Variants in MAEA observed in about 807,000 individuals in gnomAD.
MAEA encodes macrophage erythroblast attacher, E3 ubiquitin ligase.
MAEA carries 22 observed loss-of-function variants against 46.2 expected under a neutral mutation model. The observed-to-expected ratio is 0.48, with a 90% CI of 0.34 to 0.68. The LOEUF (loss-of-function observed/expected upper bound fraction) is 0.68. Among genes scored for constraint, MAEA ranks in the 30% least tolerant of loss-of-function variants. MAEA has a pLI of 0.01. For missense variants in MAEA, 393 were observed against 558.1 expected, an observed-to-expected ratio of 0.70 and a Z score of 2.98; for synonymous variants, 246 against 222.6, an observed-to-expected ratio of 1.11 and a Z score of -0.94.
chr4:1,315,318 T>C, intron 2 of MAEA, 79 bp from the exon 3 acceptor site: 1 of 1,350,422 alleles, frequency 7.4e-7, no homozygotes, highest in Non-Finnish European at 1.1e-6. Flanking sequence ...GTGTTGTGGA[T>C]TGGGGCAGCC....
In MAEA at chr4:1,338,236, G is replaced by C. The variant is rs1271620104; in HGVS notation, c.900-186G>C. 3 of 538,098 alleles carry C rather than the reference G, an allele frequency of 5.6e-6. No individual in the cohort carries two copies. The African/African-American group carries it at 5.7e-5, about 10-fold the overall frequency. 33.3% of individuals were successfully genotyped at this position (538,098 alleles called of 1,614,324 possible). A position where few individuals can be genotyped will look rare whatever the true frequency, so the allele number is the denominator to read the frequency against. The stretch of plus-strand genomic sequence containing the variant: ...GCGCAGGCTTCTTGTCTCCACCGAG[G>C]CCTCAGTGGGGCTGTTTAGCTGTCG... On this transcript the variant is annotated intron_variant, in intron 7 of 8. Transcript: ENST00000303400.
chr4:1,310,836 G>A (rs1736407889), intron 1 of MAEA, among the ~76,000 whole-genome samples: 1 of 152,242 alleles, frequency 6.6e-6, no homozygotes, highest in South Asian at 2.1e-4. Flanking sequence ...CGGGGGGAAA[G>A]TGAGTCTAGG....
At chr4:1,326,446 G>A (rs1277513800) in intron 4 of MAEA, among the ~76,000 whole-genome samples, 1 of 152,202 alleles carries the variant, frequency 6.6e-6, no homozygotes, top group Non-Finnish European at 1.5e-5. Context: ...TAGAATCCGC[G>A]TCTCATCTTG....
intron 6 of MAEA, chr4:1,335,263 A>T (rs1434773504): frequency 1.0e-6 from 1 of 985,392 alleles, no homozygotes; most frequent in Admixed American, 6.1e-5. Context: ...TAATGCTCTG[A>T]GGTGCACTCT....
chr4:1,331,111 G>C (rs866560784), intron 5 of MAEA: 1 of 151,746 alleles, frequency 6.6e-6, no homozygotes, highest in Non-Finnish European at 1.5e-5. Context: ...TGTCTCCAGA[G>C]ATGGAATGAG....
chr4:1,293,690 A>G (rs1734339903), intron 1 of MAEA, among the ~76,000 whole-genome samples: 1 of 152,130 alleles, frequency 6.6e-6, no homozygotes, highest in Non-Finnish European at 1.5e-5. Flanking sequence ...CTCACACCCA[A>G]GGTGGTGATG....
chr4:1,316,100 A>G (rs1015924253), intron 3 of MAEA, among the ~76,000 whole-genome samples: 5 of 151,528 alleles, frequency 3.3e-5, no homozygotes, highest in African/African-American at 1.2e-4. Context: ...CGATACCTGT[A>G]CCCCGGGTTT....
chr4:1,325,128 T>C (rs185281496), intron 4 of MAEA, among the ~76,000 whole-genome samples: 23 of 152,000 alleles, frequency 1.5e-4, no homozygotes, highest in Non-Finnish European at 2.9e-4. Context: ...AGGGGGTGTG[T>C]GGGGAGGCAA....
intron 3 of MAEA, among the ~76,000 whole-genome samples, chr4:1,319,522 A>C (rs1183024390): frequency 6.6e-6 from 1 of 152,030 alleles, no homozygotes; most frequent in Non-Finnish European, 1.5e-5. Flanking sequence ...AGTAAGAGAG[A>C]TCCAACTGGG....
At chr4:1,313,446 C>T (rs908482540) in intron 2 of MAEA, among the ~76,000 whole-genome samples, 5 of 152,212 alleles carry the variant, frequency 3.3e-5, no homozygotes, top group Admixed American at 1.3e-4. Context: ...AGAACAGAAG[C>T]AGGCTGGGCG....
chr4:1,312,899 C>T (rs912366496), intron 2 of MAEA, among the ~76,000 whole-genome samples: 1 of 152,124 alleles, frequency 6.6e-6, no homozygotes, highest in Non-Finnish European at 1.5e-5. Context: ...ACCATGAAAC[C>T]GAAAGGAATC....
At chr4:1,295,974 C>CTGTGCCTGTG in intron 1 of MAEA, among the ~76,000 whole-genome samples, 1 of 80,588 alleles carries the variant, frequency 1.2e-5, no homozygotes, top group Non-Finnish European at 2.4e-5. Flanking sequence ...CCCCCCTCAC[C>CTGTGCCTGTG]CACGTCTGCA....
At chr4:1,300,512 C>A (rs1735208397) in intron 1 of MAEA, among the ~76,000 whole-genome samples, 1 of 152,248 alleles carries the variant, frequency 6.6e-6, no homozygotes, top group Non-Finnish European at 1.5e-5. Context: ...CGCTTGCAGT[C>A]TCTGTTGTTT....
At chr4:1,316,113 C>T (rs6815464) in intron 3 of MAEA, among the ~76,000 whole-genome samples, 4 of 151,958 alleles carry the variant, frequency 2.6e-5, no homozygotes, top group Non-Finnish European at 4.4e-5. Flanking sequence ...CCGGGTTTTG[C>T]GCTGACACAT....
At chr4:1,312,336 C>T in intron 2 of MAEA, 175 bp downstream of exon 2, 1 of 672,136 alleles carries the variant, frequency 1.5e-6, no homozygotes, top group Non-Finnish European at 2.5e-6. Context: ...GGCCAGCTTC[C>T]TGTTCCTGTA....
rs751123867 is a variant in MAEA, at chr4:1,315,430, G to A, written c.286G>A (p.Ala96Thr). Reference sequence around the variant, plus strand: ...ATCCATCCAGGCCGAGGACGAGAGCGCCAAGCTGTGCAAGCGCCGGATCGA... The same window carrying A: ...ATCCATCCAGGCCGAGGACGAGAGCACCAAGCTGTGCAAGCGCCGGATCGA... ...VESIQAEDES[A>T]KLCKRRIEHL... Residue 96 changes from alanine (A) to threonine (T), a missense_variant, in exon 3 of 9, where the codon GCC becomes ACC. Ala to Thr is a moderately conservative substitution (Grantham distance 58). Coordinates refer to ENST00000303400, the MANE Select transcript of MAEA (RefSeq NM_001017405.3). 2.5e-6 allele frequency: 4 copies of A among 1,613,874 alleles called. No homozygotes were observed. Among genetic ancestry groups the A allele is most frequent in the South Asian group, 1.1e-5 (1 of 91,070 alleles).
intron 3 of MAEA, among the ~76,000 whole-genome samples, 162 bp from the exon 4 acceptor site, chr4:1,322,219 G>A (rs541982101): frequency 1.5e-4 from 23 of 152,168 alleles, no homozygotes; most frequent in Admixed American, 1.0e-3. Context: ...ATCTCAGAGC[G>A]GCCCTGAGTA....
Position 1,339,767 on chromosome 4 carries a change from G to C in MAEA, c.*598G>C, listed in dbSNP as rs556462078. 6.5e-6 allele frequency: 1 copy of C among 153,556 alleles called. No individual in the cohort carries two copies. The highest frequency in any genetic ancestry group is 1.5e-5 in the Non-Finnish European group (1 of 68,788). The allele number at this position is 153,556 out of a possible 1,614,324, so 9.5% of individuals were successfully genotyped here. On this transcript the variant is annotated 3_prime_UTR_variant, in exon 9 of 9. Transcript: ENST00000303400. ...GGGTCGTGTCCGCGGGACTGTGTTC[G>C]TACGTGCATAGTTTCGATATCACAT...
rs879253575 is a variant in MAEA, at chr4:1,338,441, G to T, written c.919G>T (p.Gly307Cys). The T allele has an allele frequency of 6.2e-7, 1 of 1,612,658 alleles. No homozygotes were observed. The highest frequency in any genetic ancestry group is 2.2e-5 in the East Asian group (1 of 44,874). ...IKTPQCYKED[G>C]SSKSPDCPVC... Reference sequence around the variant, plus strand: ...GCTCAGACAGTGCTACAAGGAGGACGGCAGCTCCAAGAGCCCTGACTGCCC... The same window carrying T: ...GCTCAGACAGTGCTACAAGGAGGACTGCAGCTCCAAGAGCCCTGACTGCCC... Residue 307 changes from glycine to cysteine, a missense_variant, in exon 8 of 9, where the codon GGC (glycine) becomes TGC (cysteine). Gly to Cys is a radical substitution (Grantham distance 159). Coordinates refer to ENST00000303400, the MANE Select transcript of MAEA (RefSeq NM_001017405.3).
Sources: gnomAD v4.1 joint callset for allele counts (sites outside exome capture counted in the v4.1 genomes callset) on GRCh38, gnomAD v4.1.1 for gene constraint, MANE v1.5 for transcripts, NCBI Gene and HGNC (gene_info 2026-07-23, HGNC 2026-07-21) for gene names.